DPY19L3: variants seen among roughly 807,000 people sequenced by gnomAD.
DPY19L3 encodes dpy-19 like C-mannosyltransferase 3, also known as protein C-mannosyl-transferase DPY19L3.
A neutral mutation model predicts 92.3 loss-of-function variants in DPY19L3; 51 were observed. The ratio of observed to expected loss-of-function variants is 0.55; its 90% CI spans 0.44 to 0.70. The LOEUF (loss-of-function observed/expected upper bound fraction) is 0.70, where lower values mean the gene tolerates loss of function less well. Among genes scored for constraint, DPY19L3 ranks in the 30% least tolerant of loss-of-function variants. The probability of loss-of-function intolerance (pLI) is 0.00; values close to 1 mark genes in which losing one functional copy is unlikely to be tolerated. For synonymous variants in DPY19L3, 309 were observed against 315.2 expected (o/e 0.98, Z 0.21); for missense variants, 706 against 855.9 (o/e 0.82, Z 2.18).
At chr19:32,411,139 C>T in intron 2 of DPY19L3, 100 bp from the exon 3 acceptor site, 1 of 1,264,536 alleles carries the variant, frequency 7.9e-7, no homozygotes, top group Non-Finnish European at 1.1e-6. Context: ...TTCCCAGTGA[C>T]AGGCAGCTAG....
intron 3 of DPY19L3, among the ~76,000 whole-genome samples, chr19:32,430,007 A>G (rs1201231650): frequency 1.3e-5 from 2 of 152,222 alleles, no homozygotes; most frequent in African/African-American, 4.8e-5. Context: ...ACTGCTATGA[A>G]AGATACAACA....
intron 2 of DPY19L3, among the ~76,000 whole-genome samples, chr19:32,409,014 A>G (rs539229546): frequency 5.3e-5 from 8 of 152,220 alleles, no homozygotes; most frequent in African/African-American, 1.7e-4. Flanking sequence ...CAGAATTTAC[A>G]TTATTTACAG....
chr19:32,472,342 G>A (rs1030955615), intron 16 of DPY19L3, among the ~76,000 whole-genome samples: 17 of 152,008 alleles, frequency 1.1e-4, no homozygotes, highest in African/African-American at 3.9e-4. Context: ...AGCCCCAGCC[G>A]CCTTCCCTAA....
At chr19:32,419,651 C>G (rs1968498779) in intron 3 of DPY19L3, among the ~76,000 whole-genome samples, 1 of 151,884 alleles carries the variant, frequency 6.6e-6, no homozygotes, top group Non-Finnish European at 1.5e-5. Context: ...ACAGGCTGTT[C>G]TTGAACTCTT....
intron 1 of DPY19L3, 43 bp from the exon 2 acceptor site, chr19:32,408,174 G>A (rs559049692): frequency 3.1e-6 from 3 of 974,594 alleles, no homozygotes; most frequent in Non-Finnish European, 4.9e-6. Flanking sequence ...GGGTGTGTTG[G>A]GGAGAAGGCA....
chr19:32,459,245 G>C (rs567860357), intron 12 of DPY19L3, among the ~76,000 whole-genome samples: 130 of 152,268 alleles, frequency 8.5e-4, no homozygotes, highest in African/African-American at 3.0e-3. Flanking sequence ...CAAGCTGCTG[G>C]GGGGGTTTGC....
At position 32,411,432 on chromosome 19, in the gene DPY19L3, T is replaced by C. The variant is rs1968177831; in HGVS notation, c.237+60T>C. The stretch of plus-strand genomic sequence containing the variant: ...CAGTGGGATCTCCAGTAGTAAGCCA[T>C]GTGGATGAATGACCAAGGCAACACA... On this transcript the variant is annotated intron_variant, in intron 3 of 18. Coordinates refer to ENST00000392250, the MANE Select transcript of DPY19L3 (RefSeq NM_001172774.2). The C allele has an allele frequency of 5.7e-6, 9 of 1,579,174 alleles. No homozygotes were observed. In the East Asian group the frequency reaches 2.0e-4, roughly 35 times the overall value.
At chr19:32,410,073 A>G (rs73567522) in intron 2 of DPY19L3, among the ~76,000 whole-genome samples, 5,911 of 152,256 alleles carry the variant, frequency 0.039, 361 homozygotes, top group African/African-American at 0.14. Context: ...GAAGATGTCT[A>G]TTTTTTATAC....
chr19:32,463,414 T>G lies in DPY19L3; in HGVS notation c.1371T>G (p.Val457=). Residue 457 remains valine (V), a synonymous_variant, in exon 13 of 19, where the codon GTT becomes GTG. Coordinates refer to ENST00000392250, the MANE Select transcript of DPY19L3 (RefSeq NM_001172774.2). ...QSVGKMEKGT[V]DLKPETAYNL... ...TGGGTAAAATGGAAAAAGGCACAGT[T>G]GACCTGAAACCAGAAACTGCCTACA... is the stretch of plus-strand genomic sequence containing the variant. 6.2e-7 allele frequency: 1 copy of G among 1,613,888 alleles called. No individual in the cohort carries two copies. The highest frequency in any genetic ancestry group is 8.5e-7 in the Non-Finnish European group (1 of 1,179,828).
At chr19:32,423,986 C>G (rs367751494) in intron 3 of DPY19L3, among the ~76,000 whole-genome samples, 1 of 151,538 alleles carries the variant, frequency 6.6e-6, no homozygotes, top group Non-Finnish European at 1.5e-5. Flanking sequence ...GGCCTCCAGC[C>G]TGGGTGACAG....
At chr19:32,454,755 C>T (rs771776457) in intron 9 of DPY19L3, among the ~76,000 whole-genome samples, 184 bp from the exon 10 acceptor site, 8 of 152,070 alleles carry the variant, frequency 5.3e-5, no homozygotes, top group African/African-American at 1.7e-4. Flanking sequence ...TCATTTACTA[C>T]TAGAAAATCA....
At chr19:32,447,848 A>ATAGG (rs1969566491) in intron 8 of DPY19L3, among the ~76,000 whole-genome samples, 1 of 150,970 alleles carries the variant, frequency 6.6e-6, no homozygotes, top group Non-Finnish European at 1.5e-5. Flanking sequence ...AGATAGATAG[A>ATAGG]TAGATAGATA....
intron 3 of DPY19L3, among the ~76,000 whole-genome samples, chr19:32,415,580 A>C (rs1484141958): frequency 6.6e-6 from 1 of 152,230 alleles, no homozygotes; most frequent in East Asian, 1.9e-4. Context: ...TAGTAGAGGC[A>C]GCGATGTCAT....
intron 3 of DPY19L3, among the ~76,000 whole-genome samples, chr19:32,431,952 G>A (rs181841359): frequency 1.5e-4 from 23 of 152,260 alleles, no homozygotes; most frequent in African/African-American, 5.3e-4. Flanking sequence ...TTGTGTCATC[G>A]TGTTGGCTCT....
At chr19:32,410,614 A>G (rs1968146362) in intron 2 of DPY19L3, among the ~76,000 whole-genome samples, 1 of 152,028 alleles carries the variant, frequency 6.6e-6, no homozygotes, top group African/African-American at 2.4e-5. Flanking sequence ...GAAACCCTGT[A>G]TCTACTAAAA....
intron 18 of DPY19L3, chr19:32,481,097 C>G (rs1210994273): frequency 8.0e-6 from 2 of 251,310 alleles, no homozygotes; most frequent in Non-Finnish European, 1.5e-5. Context: ...AGCCGCTTCT[C>G]CCTTCTCCCT....
chr19:32,425,752 T>C (rs555756303), intron 3 of DPY19L3, among the ~76,000 whole-genome samples: 3 of 152,184 alleles, frequency 2.0e-5, no homozygotes, highest in Non-Finnish European at 4.4e-5. Context: ...TAAATCGTGC[T>C]GTCAACACAT....
intron 6 of DPY19L3, among the ~76,000 whole-genome samples, chr19:32,437,971 G>T (rs1449988215): frequency 6.6e-6 from 1 of 152,038 alleles, no homozygotes; most frequent in Non-Finnish European, 1.5e-5. Context: ...ACTGTGCCTT[G>T]CCTAAAAAGT....
At position 32,458,171 on chromosome 19, in the gene DPY19L3, AAGGTATAACTG is replaced by A; in HGVS notation, c.1163_1163+10del. On this transcript the variant is annotated splice_donor_variant and splice_donor_5th_base_variant and coding_sequence_variant and intron_variant, in exon 11 of 19. Coordinates refer to ENST00000392250, the MANE Select transcript of DPY19L3 (RefSeq NM_001172774.2). LOFTEE classifies it high-confidence loss of function. Reference sequence around the variant, plus strand: ...AGGCAAAATTTGGGCTTGGAGCAACAAGGTATAACTGAATTGAAAGTCTATGTTTGCTATTT... The same window carrying A: ...AGGCAAAATTTGGGCTTGGAGCAACAAATTGAAAGTCTATGTTTGCTATTT... The A allele has an allele frequency of 6.2e-7, 1 of 1,613,102 alleles. No homozygotes were observed. The highest frequency in any genetic ancestry group is 8.5e-7 in the Non-Finnish European group (1 of 1,179,474).
Sources: gnomAD v4.1 joint callset for allele counts (sites outside exome capture counted in the v4.1 genomes callset) on GRCh38, gnomAD v4.1.1 for gene constraint, MANE v1.5 for transcripts, NCBI Gene and HGNC (gene_info 2026-07-23, HGNC 2026-07-21) for gene names.